NTM: variants seen among roughly 807,000 people sequenced by gnomAD.
NTM encodes the protein neurotrimin, also known as IgLON family member 2.
In NTM, 13 loss-of-function variants were observed where a neutral mutation model predicts 42.1. That is an observed-to-expected ratio of 0.31 (90% confidence interval 0.20 to 0.49). The LOEUF (loss-of-function observed/expected upper bound fraction) is 0.49, where lower values mean the gene tolerates loss of function less well. NTM is among the 20% of genes least tolerant of loss of function. The pLI, the probability that NTM is intolerant of heterozygous loss-of-function variation, is 0.99. For missense variants in NTM, 373 were observed against 452.8 expected (o/e 0.82, Z 1.60); for synonymous variants, 187 against 179.2 (o/e 1.04, Z -0.35).
At chr11:132,010,611 T>C (rs2071932603) in intron 2 of NTM, among the ~76,000 whole-genome samples, 1 of 99,268 alleles carries the variant, frequency 1.0e-5, no homozygotes, top group African/African-American at 5.0e-5. Context: ...TGACCATTTC[T>C]ACTGTCTTTT....
intron 1 of NTM, chr11:131,774,228 T>G (rs2086605879): frequency 1.9e-6 from 1 of 536,568 alleles, no homozygotes. Flanking sequence ...GCACTGATTT[T>G]TGCCCCTTAC....
intron 2 of NTM, among the ~76,000 whole-genome samples, chr11:132,064,911 G>A (rs148648346): frequency 7.9e-4 from 120 of 152,218 alleles, no homozygotes; most frequent in Admixed American, 3.9e-3. Context: ...CATTTTACCC[G>A]TGTTTCCTCA....
At chr11:131,997,732 T>C (rs1164336655) in intron 2 of NTM, among the ~76,000 whole-genome samples, 1 of 152,174 alleles carries the variant, frequency 6.6e-6, no homozygotes, top group Admixed American at 6.5e-5. Context: ...CTTGAAAAAG[T>C]GCTCTCGAGC....
At chr11:132,094,189 A>G (rs1471935107) in intron 2 of NTM, among the ~76,000 whole-genome samples, 1 of 152,216 alleles carries the variant, frequency 6.6e-6, no homozygotes, top group Non-Finnish European at 1.5e-5. Context: ...TGCACAGAGA[A>G]ATCTTTAGGC....
intron 2 of NTM, among the ~76,000 whole-genome samples, chr11:131,977,135 T>C (rs1259321831): frequency 6.6e-6 from 1 of 152,236 alleles, no homozygotes; most frequent in African/African-American, 2.4e-5. Flanking sequence ...AACCCATCCC[T>C]TCAGAAATGC....
chr11:131,738,101 T>A (rs915808463), intron 1 of NTM, among the ~76,000 whole-genome samples: 2 of 152,102 alleles, frequency 1.3e-5, no homozygotes, highest in Non-Finnish European at 2.9e-5. Context: ...AGCAGCAGTT[T>A]TCATTAGCAG....
At chr11:132,271,647 T>C (rs1204650992) in intron 4 of NTM, among the ~76,000 whole-genome samples, 2 of 152,124 alleles carry the variant, frequency 1.3e-5, no homozygotes, top group East Asian at 1.9e-4. Context: ...TGAGGGCTAA[T>C]GATAGGAACT....
At chr11:131,591,199 C>T (rs573763123) in intron 1 of NTM, among the ~76,000 whole-genome samples, 1 of 152,242 alleles carries the variant, frequency 6.6e-6, no homozygotes, top group African/African-American at 2.4e-5. Flanking sequence ...TCTCTGCTCG[C>T]TGCTCTCATC....
chr11:131,388,509 G>A (rs183925859), intron 1 of NTM, among the ~76,000 whole-genome samples: 20 of 149,036 alleles, frequency 1.3e-4, no homozygotes, highest in South Asian at 2.1e-4. Flanking sequence ...CCTTTTGCCC[G>A]TAAGTATTAG....
chr11:131,913,761 G>A (rs985966299), intron 2 of NTM, among the ~76,000 whole-genome samples: 3 of 152,130 alleles, frequency 2.0e-5, no homozygotes, highest in Non-Finnish European at 4.4e-5. Flanking sequence ...CCCCAACCCA[G>A]CCAAGTTCCT....
At chr11:131,788,165 A>G (rs1306396878) in intron 1 of NTM, among the ~76,000 whole-genome samples, 1 of 152,038 alleles carries the variant, frequency 6.6e-6, no homozygotes, top group Non-Finnish European at 1.5e-5. Flanking sequence ...CCGTCATTTT[A>G]GGTCTGTTTA....
intron 1 of NTM, among the ~76,000 whole-genome samples, chr11:131,907,213 G>C (rs1395071442): frequency 2.0e-5 from 3 of 152,192 alleles, no homozygotes; most frequent in Non-Finnish European, 4.4e-5. Flanking sequence ...TGTGTGTGTG[G>C]AATAGTGATA....
intron 1 of NTM, among the ~76,000 whole-genome samples, chr11:131,614,302 C>T (rs752058273): frequency 6.6e-6 from 1 of 152,236 alleles, no homozygotes; most frequent in Non-Finnish European, 1.5e-5. Context: ...CATAAATGCC[C>T]CATGCCCAGA....
chr11:131,813,112 C>T (rs1055564030), intron 1 of NTM, among the ~76,000 whole-genome samples: 1 of 152,186 alleles, frequency 6.6e-6, no homozygotes, highest in African/African-American at 2.4e-5. Context: ...CAAAAGTTAT[C>T]AAAGTTACGC....
chr11:131,551,629 T>A (rs566156324), intron 1 of NTM, among the ~76,000 whole-genome samples: 6 of 152,178 alleles, frequency 3.9e-5, no homozygotes, highest in Non-Finnish European at 8.8e-5. Flanking sequence ...TGAACATCCT[T>A]GTGTATGTTC....
At chr11:131,477,844 T>C (rs1436499137) in intron 1 of NTM, among the ~76,000 whole-genome samples, 1 of 151,160 alleles carries the variant, frequency 6.6e-6, no homozygotes, top group Admixed American at 6.6e-5. Flanking sequence ...AGCCTGTGGG[T>C]CATACTAGAT....
At chr11:131,838,217 G>T (rs115064864) in intron 1 of NTM, among the ~76,000 whole-genome samples, 1 of 151,996 alleles carries the variant, frequency 6.6e-6, no homozygotes, top group African/African-American at 2.4e-5. Flanking sequence ...CAGGTCCTGC[G>T]CATGCTCAGT....
chr11:132,112,827 A>G (rs2063401846), intron 2 of NTM, among the ~76,000 whole-genome samples: 1 of 152,038 alleles, frequency 6.6e-6, no homozygotes, highest in Non-Finnish European at 1.5e-5. Context: ...GCTTCTATTC[A>G]GATTAGCTTT....
intron 1 of NTM, among the ~76,000 whole-genome samples, chr11:131,476,193 A>G (rs1170031820): frequency 6.6e-6 from 1 of 152,178 alleles, no homozygotes; most frequent in African/African-American, 2.4e-5. Flanking sequence ...TGCCTAGGGT[A>G]TGTTCTTCTA....
Sources: gnomAD v4.1 joint callset for allele counts (sites outside exome capture counted in the v4.1 genomes callset) on GRCh38, gnomAD v4.1.1 for gene constraint, MANE v1.5 for transcripts, NCBI Gene and HGNC (gene_info 2026-07-23, HGNC 2026-07-21) for gene names.